Variants in TBC1D12 observed in about 807,000 individuals in gnomAD.
The protein encoded by TBC1D12 is TBC1 domain family, member 12.
TBC1D12 carries 56 observed loss-of-function variants against 86.7 expected under a neutral mutation model. The ratio of observed to expected loss-of-function variants is 0.65; its 90% CI spans 0.52 to 0.81. The LOEUF (loss-of-function observed/expected upper bound fraction) is 0.81. Ranked by LOEUF, TBC1D12 falls within the 30% of genes least tolerant of loss-of-function variation. The pLI, the probability that TBC1D12 is intolerant of heterozygous loss-of-function variation, is 0.00. For synonymous variants in TBC1D12, 421 were observed against 411.7 expected (o/e 1.02, Z -0.27); for missense variants, 1,023 against 1,038.8 (o/e 0.98, Z 0.21).
At chr10:94,487,630 TTTG>T (rs755922860) in intron 3 of TBC1D12, among the ~76,000 whole-genome samples, 33 of 151,932 alleles carry the variant, frequency 2.2e-4, no homozygotes, top group Non-Finnish European at 3.5e-4. Flanking sequence ...CTCCTGCTTT[TTTG>T]TTGTTTCACT....
chr10:94,490,458 A>T (rs1293135920), intron 3 of TBC1D12, among the ~76,000 whole-genome samples: 2 of 152,202 alleles, frequency 1.3e-5, no homozygotes, highest in African/African-American at 4.8e-5. Context: ...TAGTATATTT[A>T]TAACAGCTAT....
chr10:94,477,943 C>A lies in TBC1D12; in HGVS notation c.1211+3160C>A, dbSNP rs1589645333. On this transcript the variant is annotated intron_variant, in intron 3 of 12. Coordinates refer to ENST00000225235, the MANE Select transcript of TBC1D12 (RefSeq NM_015188.2). The stretch of plus-strand genomic sequence containing the variant: ...CACCTTGTTAAATAGAAGACTAGAT[C>A]TCCTAAACTGTGCCCAGCAAATCAT... Among the ~76,000 whole-genome samples the A allele has an allele frequency of 5.9e-5, 9 of 152,284 alleles. 2 individuals carry two copies. The highest frequency in any genetic ancestry group is 5.9e-4 in the Admixed American group (9 of 15,288).
chr10:94,427,167 G>A (rs868212926), intron 1 of TBC1D12, among the ~76,000 whole-genome samples: 1 of 152,148 alleles, frequency 6.6e-6, no homozygotes, highest in Non-Finnish European at 1.5e-5. Flanking sequence ...TACACATATG[G>A]TTAGTTTCAT....
rs147432977 is a variant in TBC1D12, at chr10:94,480,461, A to G, written c.1211+5678A>G. 3.2e-4 allele frequency among the ~76,000 whole-genome samples: 49 copies of G among 152,272 alleles called. No individual in the cohort carries two copies. The East Asian group carries it at 4.6e-3, about 14-fold the overall frequency. The stretch of plus-strand genomic sequence containing the variant: ...TCTTTTTTTCACTTCTAAGAACACC[A>G]TATCAACTAGCCAACACAATAGGTG... On this transcript the variant is annotated intron_variant, in intron 3 of 12. Coordinates refer to ENST00000225235, the MANE Select transcript of TBC1D12 (RefSeq NM_015188.2).
At chr10:94,418,621 G>C (rs2055031788) in intron 1 of TBC1D12, among the ~76,000 whole-genome samples, 1 of 151,764 alleles carries the variant, frequency 6.6e-6, no homozygotes, top group Non-Finnish European at 1.5e-5. Context: ...ACCCAGACTG[G>C]AATGCACTGG....
At chr10:94,406,776 G>A (rs2054859514) in intron 1 of TBC1D12, among the ~76,000 whole-genome samples, 1 of 152,216 alleles carries the variant, frequency 6.6e-6, no homozygotes, top group Non-Finnish European at 1.5e-5. Flanking sequence ...GTTTGGGATG[G>A]AATCTTGTTC....
intron 3 of TBC1D12, among the ~76,000 whole-genome samples, chr10:94,490,047 A>G (rs573799082): frequency 1.3e-5 from 2 of 152,320 alleles, no homozygotes; most frequent in African/African-American, 4.8e-5. Flanking sequence ...CAGGAGTTTG[A>G]GACCAGCCTG....
At chr10:94,517,073 A>T (rs766854234) in intron 9 of TBC1D12, among the ~76,000 whole-genome samples, 40 of 152,134 alleles carry the variant, frequency 2.6e-4, no homozygotes, top group Middle Eastern at 6.8e-3. Flanking sequence ...AAAGAAAAAA[A>T]ATATATTAAA....
intron 1 of TBC1D12, among the ~76,000 whole-genome samples, chr10:94,414,644 G>A (rs2054974983): frequency 6.7e-6 from 1 of 149,490 alleles, no homozygotes; most frequent in Admixed American, 6.7e-5. Context: ...CTGTCTCTCG[G>A]TCTGGAGTAC....
intron 2 of TBC1D12, among the ~76,000 whole-genome samples, chr10:94,450,037 T>C (rs1189502964): frequency 6.6e-6 from 1 of 152,214 alleles, no homozygotes; most frequent in Non-Finnish European, 1.5e-5. Context: ...GCTTTTTCTA[T>C]AGCAGAACTT....
At chr10:94,508,497 T>C (rs2134202498) in intron 7 of TBC1D12, 1 of 152,052 alleles carries the variant, frequency 6.6e-6, no homozygotes, top group Non-Finnish European at 1.5e-5. Context: ...TATTGATCCG[T>C]CATCAAATTC....
intron 3 of TBC1D12, among the ~76,000 whole-genome samples, chr10:94,478,671 C>G (rs1361110798): frequency 6.6e-6 from 1 of 152,182 alleles, no homozygotes; most frequent in Non-Finnish European, 1.5e-5. Context: ...TGATGGTGCT[C>G]TAAAGGTCAA....
intron 2 of TBC1D12, among the ~76,000 whole-genome samples, chr10:94,461,226 A>T (rs1381348708): frequency 6.6e-6 from 1 of 152,220 alleles, no homozygotes; most frequent in Non-Finnish European, 1.5e-5. Flanking sequence ...AAGGGGAAGC[A>T]TTCTATAGTC....
rs1470408565 is a variant in TBC1D12, at chr10:94,531,450, A to G, written c.2249A>G (p.Lys750Arg). ...ATTCAGATGCAGAATAGCACCAAAAAATGGACTCAGGTAGAGTGACATTTT... is the reference window on the plus strand; with the variant it reads ...ATTCAGATGCAGAATAGCACCAAAAGATGGACTCAGGTAGAGTGACATTTT... Reference protein sequence around the residue: ...AAIQMQNSTKKWTQVFASVMK... With the variant: ...AAIQMQNSTKRWTQVFASVMK... The change falls in exon 12 of 13, where the codon AAA (lysine) becomes AGA (arginine). Residue 750 changes from lysine (K) to arginine (R), a missense_variant. By Grantham distance (26) the Lys-to-Arg change is conservative (BLOSUM62 2). Transcript: ENST00000225235. 1.9e-6 allele frequency: 3 copies of G among 1,612,622 alleles called. No homozygotes were observed. Among genetic ancestry groups the G allele is most frequent in the Middle Eastern group, 3.3e-4 (2 of 6,050 alleles).
chr10:94,434,438 G>A (rs2055266610), intron 1 of TBC1D12, among the ~76,000 whole-genome samples: 2 of 151,054 alleles, frequency 1.3e-5, no homozygotes, highest in Admixed American at 6.6e-5. Context: ...CCCGGGAGAT[G>A]GAGGTTGCAG....
At chr10:94,465,778 ACATACATACATATACG>A (rs1441783811) in intron 2 of TBC1D12, among the ~76,000 whole-genome samples, 38 of 137,840 alleles carry the variant, frequency 2.8e-4, no homozygotes, top group African/African-American at 3.9e-4. Flanking sequence ...GTATACGCAT[ACATACATACATATACG>A]CATACATACA....
intron 4 of TBC1D12, 70 bp from the exon 5 acceptor site, chr10:94,496,985 T>A: frequency 2.4e-6 from 2 of 844,714 alleles, no homozygotes; most frequent in South Asian, 3.9e-5. Context: ...TTGTAGAGTT[T>A]AGGTAAATGG....
intron 3 of TBC1D12, among the ~76,000 whole-genome samples, chr10:94,477,212 G>C (rs1419841308): frequency 1.3e-5 from 2 of 152,084 alleles, no homozygotes; most frequent in African/African-American, 4.8e-5. Context: ...TTGGTCTCTA[G>C]TGTTCCACCC....
intron 1 of TBC1D12, among the ~76,000 whole-genome samples, chr10:94,417,098 CATACTT>C (rs1437991622): frequency 2.0e-5 from 3 of 152,114 alleles, no homozygotes; most frequent in Non-Finnish European, 4.4e-5. Flanking sequence ...ACAATGGAGA[CATACTT>C]AGAACTACAT....
Sources: allele counts gnomAD v4.1 joint callset (sites outside exome capture counted in the v4.1 genomes callset), GRCh38; gene constraint gnomAD v4.1.1; transcripts MANE v1.5; gene names NCBI Gene and HGNC (gene_info 2026-07-23, HGNC 2026-07-21).